ABCA13: variants seen among roughly 807,000 people sequenced by gnomAD.
ABCA13 encodes the protein ATP-binding cassette sub-family A member 13.
A neutral mutation model predicts 478.7 loss-of-function variants in ABCA13; 476 were observed. The observed-to-expected ratio is 0.99, with a 90% CI of 0.92 to 1.07. ABCA13 has a LOEUF of 1.07. Ranked by LOEUF, ABCA13 falls within the 50% of genes least tolerant of loss-of-function variation. ABCA13 has a pLI of 0.00. For missense variants in ABCA13, 6,060 were observed against 5,910.6 expected (o/e 1.03, Z -0.83); for synonymous variants, 2,252 against 2,158.9 (o/e 1.04, Z -1.20).
chr7:48,464,673 A>G (rs911361721), intron 43 of ABCA13, among the ~76,000 whole-genome samples: 22 of 152,322 alleles, frequency 1.4e-4, no homozygotes, highest in Non-Finnish European at 2.5e-4. Context: ...GGGAAGTAAA[A>G]TAATTGGATG....
intron 60 of ABCA13, among the ~76,000 whole-genome samples, chr7:48,643,999 A>G (rs529311873): frequency 6.6e-6 from 1 of 152,324 alleles, no homozygotes; most frequent in African/African-American, 2.4e-5. Flanking sequence ...TAACTGTGGG[A>G]TGCTAGTTTA....
chr7:48,314,909 A>G (rs562830755), intron 26 of ABCA13, among the ~76,000 whole-genome samples: 12 of 152,368 alleles, frequency 7.9e-5, no homozygotes, highest in Admixed American at 6.5e-4. Context: ...ATATGTCACG[A>G]TAGGTACAAA....
Position 48,377,430 on chromosome 7 carries a change from A to C in ABCA13, c.11335+858A>C, listed in dbSNP as rs1813672510. 2.6e-5 allele frequency among the ~76,000 whole-genome samples: 4 copies of C among 152,302 alleles called. No homozygotes were observed. The South Asian group carries it at 8.3e-4, about 32-fold the overall frequency. ...AAGCAAATAGTGTCTAACTAAATTA[A>C]AACTAAAAATTAAAAAAAATGATTC... is the stretch of plus-strand genomic sequence containing the variant. On this transcript the variant is annotated intron_variant, in intron 35 of 61. Transcript: ENST00000435803.
chr7:48,469,611 C>G (rs745617850), intron 44 of ABCA13, among the ~76,000 whole-genome samples: 8 of 151,112 alleles, frequency 5.3e-5, no homozygotes, highest in Non-Finnish European at 1.2e-4. Context: ...GAAAGCAACT[C>G]TCAAGACAGG....
intron 55 of ABCA13, among the ~76,000 whole-genome samples, chr7:48,575,413 G>A (rs1207973207): frequency 6.6e-6 from 1 of 152,132 alleles, no homozygotes; most frequent in Non-Finnish European, 1.5e-5. Context: ...TTGAAAGATA[G>A]GAGAATATGG....
At chr7:48,246,609 T>A (rs1791725539) in intron 13 of ABCA13, among the ~76,000 whole-genome samples, 1 of 152,202 alleles carries the variant, frequency 6.6e-6, no homozygotes, top group Admixed American at 6.5e-5. Context: ...CCTTTTTTTT[T>A]TATATCCTTA....
chr7:48,475,792 G>A (rs1365351331), intron 45 of ABCA13, among the ~76,000 whole-genome samples: 1 of 152,204 alleles, frequency 6.6e-6, no homozygotes, highest in African/African-American at 2.4e-5. Flanking sequence ...CAAATATGCT[G>A]TGGCTGTCTC....
intron 55 of ABCA13, among the ~76,000 whole-genome samples, chr7:48,564,946 G>A (rs1274818805): frequency 2.0e-5 from 3 of 152,120 alleles, no homozygotes; most frequent in African/African-American, 2.4e-5. Context: ...GGAAGAATTA[G>A]ATTTGGTAAA....
chr7:48,409,628 C>T (rs532217256), intron 39 of ABCA13, among the ~76,000 whole-genome samples: 5 of 152,292 alleles, frequency 3.3e-5, no homozygotes, highest in Admixed American at 3.3e-4. Flanking sequence ...GTTACATCAT[C>T]CCTGATTCCA....
chr7:48,374,209 G>A, intron 33 of ABCA13, 138 bp from the exon 34 acceptor site: 2 of 693,708 alleles, frequency 2.9e-6, no homozygotes, highest in South Asian at 1.9e-5. Flanking sequence ...ATATTTAAAT[G>A]ACTGCCTGAA....
chr7:48,214,412 C>A (rs957685655), intron 3 of ABCA13, among the ~76,000 whole-genome samples: 1 of 152,052 alleles, frequency 6.6e-6, no homozygotes, highest in African/African-American at 2.4e-5. Context: ...CTGTGTTAGC[C>A]CCTAACAAGA....
intron 48 of ABCA13, among the ~76,000 whole-genome samples, chr7:48,499,324 G>A (rs1006243423): frequency 8.5e-5 from 13 of 152,076 alleles, no homozygotes; most frequent in East Asian, 1.9e-4. Flanking sequence ...TTAAAACAAC[G>A]TAAACTTTCC....
chr7:48,411,047 CTTT>C lies in ABCA13; in HGVS notation c.12228+373_12228+375del, dbSNP rs753295685. Among the ~76,000 whole-genome samples the C allele has an allele frequency of 7.4e-3, 439 of 59,292 alleles. 1 individual carries two copies. Among genetic ancestry groups the C allele is most frequent in the Non-Finnish European group, 8.2e-3 (221 of 26,812 alleles). 38.9% of individuals were successfully genotyped at this position (59,292 alleles called of 152,430 possible). ...TCTTTCTTTCTTTCTTTCTTTCTTT[CTTT>C]TTCTTTCTTTCTTTCTTTCTTTTTC... On this transcript the variant is annotated intron_variant, in intron 40 of 61. Coordinates refer to ENST00000435803, the MANE Select transcript of ABCA13 (RefSeq NM_152701.5).
chr7:48,202,783 C>T lies in ABCA13; in HGVS notation c.287+4423C>T, dbSNP rs1467656937. On this transcript the variant is annotated intron_variant, in intron 3 of 61. Transcript: ENST00000435803. Reference sequence around the variant, plus strand: ...TACAGAGTGCCCATTGGTGTATTTACAATCCCTGAGCTAGACATAAAGGTT... The same window carrying T: ...TACAGAGTGCCCATTGGTGTATTTATAATCCCTGAGCTAGACATAAAGGTT... 2.6e-5 allele frequency among the ~76,000 whole-genome samples: 4 copies of T among 152,248 alleles called. No individual in the cohort carries two copies. In the East Asian group the frequency reaches 7.7e-4, roughly 29 times the overall value.
intron 55 of ABCA13, among the ~76,000 whole-genome samples, chr7:48,532,987 T>G (rs67804854): frequency 0.12 from 18,143 of 152,042 alleles, 1,290 homozygotes; most frequent in East Asian, 0.17. Flanking sequence ...GCATTTTTTT[T>G]GTTTAAATTT....
chr7:48,336,415 T>C (rs1806271628), intron 28 of ABCA13, among the ~76,000 whole-genome samples: 1 of 152,040 alleles, frequency 6.6e-6, no homozygotes, highest in African/African-American at 2.4e-5. Flanking sequence ...GCTAGACAGG[T>C]TGGAAGCAAG....
chr7:48,215,959 A>T (rs191323750), intron 3 of ABCA13, among the ~76,000 whole-genome samples: 69 of 152,280 alleles, frequency 4.5e-4, no homozygotes, highest in Non-Finnish European at 7.8e-4. Context: ...AAAATTGATG[A>T]TCAACTAATA....
At chr7:48,385,122 C>T (rs549287423) in intron 35 of ABCA13, among the ~76,000 whole-genome samples, 11 of 152,308 alleles carry the variant, frequency 7.2e-5, no homozygotes, top group African/African-American at 2.6e-4. Context: ...TGAACAGCTT[C>T]CCTTCACTTT....
At chr7:48,368,712 T>TATATATATATATATAC (rs1812138994) in intron 32 of ABCA13, among the ~76,000 whole-genome samples, 1 of 129,102 alleles carries the variant, frequency 7.7e-6, no homozygotes, top group South Asian at 2.5e-4. Context: ...TATATATATA[T>TATATATATATATATAC]ATACACATAC....
Sources: allele counts gnomAD v4.1 joint callset (sites outside exome capture counted in the v4.1 genomes callset), GRCh38; gene constraint gnomAD v4.1.1; transcripts MANE v1.5; gene names NCBI Gene and HGNC (gene_info 2026-07-23, HGNC 2026-07-21).